FUT8: variants seen among roughly 807,000 people sequenced by gnomAD.
FUT8 encodes fucosyltransferase 8.
In FUT8, 29 loss-of-function variants were observed where a neutral mutation model predicts 71.3. The observed-to-expected ratio is 0.41, with a 90% CI of 0.30 to 0.55. FUT8 has a LOEUF of 0.55. Among genes scored for constraint, FUT8 ranks in the 20% least tolerant of loss-of-function variants. The probability of loss-of-function intolerance (pLI) is 0.34; values close to 1 mark genes in which losing one functional copy is unlikely to be tolerated. For missense variants in FUT8, 544 were observed against 702.1 expected, an observed-to-expected ratio of 0.77 and a Z score of 2.55; for synonymous variants, 254 against 239.3, an observed-to-expected ratio of 1.06 and a Z score of -0.57.
At chr14:65,524,414 C>T (rs532200141) in intron 2 of FUT8, among the ~76,000 whole-genome samples, 23 of 152,254 alleles carry the variant, frequency 1.5e-4, no homozygotes, top group Admixed American at 1.3e-3. Context: ...GATTTTTGCA[C>T]ATTGATTTTG....
chr14:65,433,510 A>G (rs571506800), intron 1 of FUT8, among the ~76,000 whole-genome samples: 1 of 152,358 alleles, frequency 6.6e-6, no homozygotes, highest in South Asian at 2.1e-4. Context: ...TTCTTCAGAT[A>G]TTGATTAAAA....
chr14:65,410,606 AG>A (rs1253157696), upstream of FUT8: 8 of 112,834 alleles, frequency 7.1e-5, no homozygotes, highest in African/African-American at 2.1e-4. Context: ...AGTTGGAAGG[AG>A]GTAGGGAAAA....
At chr14:65,569,686 CTT>C (rs2140074317) in intron 3 of FUT8, among the ~76,000 whole-genome samples, 1 of 151,748 alleles carries the variant, frequency 6.6e-6, no homozygotes, top group South Asian at 2.1e-4. Flanking sequence ...CATGGATCAC[CTT>C]TTGGTTGATT....
chr14:65,718,235 G>A (rs895662414), intron 7 of FUT8, among the ~76,000 whole-genome samples: 3 of 151,798 alleles, frequency 2.0e-5, no homozygotes, highest in Non-Finnish European at 4.4e-5. Context: ...TGTATTCATT[G>A]TATGTTTTTT....
At chr14:65,398,148 C>A in the FUT8 span, among the ~76,000 whole-genome samples, 22 of 152,206 alleles carry the variant, frequency 1.4e-4, no homozygotes, top group Non-Finnish European at 2.2e-4. Context: ...TACAGAAGGA[C>A]CTCCAGACAT....
chr14:65,423,440 T>G (rs539589920), intron 1 of FUT8, among the ~76,000 whole-genome samples: 1 of 152,132 alleles, frequency 6.6e-6, no homozygotes, highest in African/African-American at 2.4e-5. Flanking sequence ...TTTTTGTATT[T>G]TTAGTAGAGA....
intron 7 of FUT8, among the ~76,000 whole-genome samples, chr14:65,699,010 TC>T (rs1331872716): frequency 1.3e-5 from 2 of 152,156 alleles, no homozygotes. Flanking sequence ...CTGTACCACT[TC>T]TGTGTGGAGT....
At chr14:65,620,945 C>G (rs1889576710) in intron 5 of FUT8, among the ~76,000 whole-genome samples, 1 of 152,222 alleles carries the variant, frequency 6.6e-6, no homozygotes, top group Non-Finnish European at 1.5e-5. Flanking sequence ...TAGTCTCTAT[C>G]AGCCAGATAA....
intron 5 of FUT8, 37 bp downstream of exon 5, chr14:65,616,410 A>C: frequency 2.0e-6 from 3 of 1,480,196 alleles, no homozygotes; most frequent in Non-Finnish European, 2.7e-6. Context: ...TGGGCTTTAG[A>C]AAAGATTATA....
At chr14:65,555,051 A>T (rs1022851232) in intron 2 of FUT8, among the ~76,000 whole-genome samples, 3 of 152,266 alleles carry the variant, frequency 2.0e-5, no homozygotes, top group Non-Finnish European at 2.9e-5. Flanking sequence ...TTATGAGCCA[A>T]ATCTGGTCCA....
chr14:65,639,259 G>T (rs890689554), intron 6 of FUT8, among the ~76,000 whole-genome samples: 5 of 152,108 alleles, frequency 3.3e-5, no homozygotes, highest in Admixed American at 6.6e-5. Flanking sequence ...TTTATTGAAG[G>T]AAGTTTTCTA....
intron 2 of FUT8, among the ~76,000 whole-genome samples, chr14:65,504,185 A>G (rs2066690126): frequency 6.6e-6 from 1 of 152,196 alleles, no homozygotes; most frequent in South Asian, 2.1e-4. Flanking sequence ...AGGAAAAAAT[A>G]TTAAAGTAGG....
At chr14:65,663,258 A>G (rs1427367606) in intron 6 of FUT8, among the ~76,000 whole-genome samples, 1 of 152,082 alleles carries the variant, frequency 6.6e-6, no homozygotes, top group Admixed American at 6.5e-5. Flanking sequence ...ATCTCTTTAT[A>G]TTTGTTGCTA....
intron 3 of FUT8, among the ~76,000 whole-genome samples, chr14:65,613,697 C>G (rs1889126879): frequency 6.6e-6 from 1 of 152,156 alleles, no homozygotes; most frequent in South Asian, 2.1e-4. Context: ...GTAACAATAG[C>G]TACTTTATTA....
chr14:65,701,254 A>G (rs1894278767), intron 7 of FUT8, among the ~76,000 whole-genome samples: 2 of 152,180 alleles, frequency 1.3e-5, no homozygotes, highest in African/African-American at 4.8e-5. Flanking sequence ...TTTTATCCCT[A>G]ATTATGTCAC....
intron 1 of FUT8, among the ~76,000 whole-genome samples, chr14:65,424,096 T>C (rs2065345423): frequency 6.6e-6 from 1 of 152,226 alleles, no homozygotes; most frequent in African/African-American, 2.4e-5. Flanking sequence ...TTAGGTGTCA[T>C]TTGAGGTTTA....
chr14:65,510,362 T>A (rs1882252676), intron 2 of FUT8, among the ~76,000 whole-genome samples: 1 of 152,182 alleles, frequency 6.6e-6, no homozygotes, highest in Non-Finnish European at 1.5e-5. Context: ...GTATGAATAT[T>A]CATCAGGGAT....
rs983193531 is a variant in FUT8 at position 65,440,640 on chromosome 14, A to G, written c.-325-14981A>G. The stretch of plus-strand genomic sequence containing the variant: ...ACATATGTGTAACTTCTATTTGCCA[A>G]TTAAAATGAAGTTTAAACATTGTAT... On this transcript the variant is annotated intron_variant, in intron 1 of 10. Coordinates refer to ENST00000673929, the MANE Select transcript of FUT8 (RefSeq NM_001371533.1). Among the ~76,000 whole-genome samples the G allele has an allele frequency of 5.3e-5, 8 of 151,900 alleles. No individual in the cohort carries two copies. The South Asian group carries it at 1.4e-3, about 28-fold the overall frequency.
intron 7 of FUT8, among the ~76,000 whole-genome samples, chr14:65,690,427 C>G (rs374601377): frequency 6.6e-6 from 1 of 152,114 alleles, no homozygotes; most frequent in East Asian, 1.9e-4. Context: ...AGTAACTTGT[C>G]AGGATTTCAA....
Sources: allele counts gnomAD v4.1 joint callset (sites outside exome capture counted in the v4.1 genomes callset), GRCh38; gene constraint gnomAD v4.1.1; transcripts MANE v1.5; gene names NCBI Gene and HGNC (gene_info 2026-07-23, HGNC 2026-07-21).